Variants in C12orf75 observed in about 807,000 individuals in gnomAD.
The protein encoded by C12orf75 is chromosome 12 open reading frame 75, also known as overexpressed in colon carcinoma 1 protein.
C12orf75 carries 4 observed loss-of-function variants against 11.4 expected under a neutral mutation model. The ratio of observed to expected loss-of-function variants is 0.35; its 90% CI spans 0.17 to 0.80. The LOEUF (loss-of-function observed/expected upper bound fraction) is 0.80, where lower values mean the gene tolerates loss of function less well. Among genes scored for constraint, C12orf75 ranks in the 30% least tolerant of loss-of-function variants. The pLI is 0.52. For synonymous variants in C12orf75, 30 were observed against 30.0 expected (o/e 1.00, Z 0.00); for missense variants, 89 against 80.4 (o/e 1.11, Z -0.41).
Position 105,371,353 on chromosome 12 carries a change from A to G in C12orf75, c.*753A>G, listed in dbSNP as rs971973205. The G allele has an allele frequency of 1.3e-5, 2 of 152,234 alleles. No individual in the cohort carries two copies. Among genetic ancestry groups the G allele is most frequent in the South Asian group, 2.1e-4 (1 of 4,830 alleles). 9.4% of individuals were successfully genotyped at this position (152,234 alleles called of 1,614,324 possible). A position where few individuals can be genotyped will look rare whatever the true frequency, so the allele number is the denominator to read the frequency against. On this transcript the variant is annotated 3_prime_UTR_variant, in exon 6 of 6. Coordinates refer to ENST00000443585, the MANE Select transcript of C12orf75 (RefSeq NM_001145199.2). ...GGGTTGCTCATTCTACATCACGACAATCTCATCATATTATTTCTATAACTT... is the reference window on the plus strand; with the variant it reads ...GGGTTGCTCATTCTACATCACGACAGTCTCATCATATTATTTCTATAACTT...
chr12:105,331,588 T>C (rs1892424680), intron 1 of C12orf75, among the ~76,000 whole-genome samples: 1 of 83,022 alleles, frequency 1.2e-5, no homozygotes, highest in Non-Finnish European at 2.2e-5. Context: ...ATACTTTTCA[T>C]TAAACACACA....
intron 2 of C12orf75, among the ~76,000 whole-genome samples, chr12:105,359,160 G>A (rs892550768): frequency 3.9e-5 from 6 of 152,194 alleles, no homozygotes; most frequent in African/African-American, 1.4e-4. Flanking sequence ...TGAAGAAGTC[G>A]TGATAAGCTT....
chr12:105,341,816 G>A (rs1892577917), intron 1 of C12orf75, among the ~76,000 whole-genome samples: 1 of 152,222 alleles, frequency 6.6e-6, no homozygotes, highest in South Asian at 2.1e-4. Flanking sequence ...GTCAAGGGCT[G>A]GGCCAGATGG....
chr12:105,365,762 A>G, intron 2 of C12orf75, 45 bp from the exon 3 acceptor site: 2 of 1,407,922 alleles, frequency 1.4e-6, no homozygotes, highest in Non-Finnish European at 2.0e-6. Context: ...GAAGTCCCCG[A>G]CTATGTAACC....
At chr12:105,348,759 C>T (rs994548657) in intron 2 of C12orf75, 133 bp downstream of exon 2, 2 of 521,848 alleles carry the variant, frequency 3.8e-6, no homozygotes, top group Admixed American at 4.0e-5. Context: ...ATGCACATGT[C>T]AAGATGATCG....
intron 2 of C12orf75, among the ~76,000 whole-genome samples, chr12:105,364,340 C>T (rs911480812): frequency 3.9e-5 from 6 of 152,122 alleles, no homozygotes; most frequent in South Asian, 2.1e-4. Flanking sequence ...AACAATCCAG[C>T]GTTAAGAGGT....
At chr12:105,364,837 CTTTTTTT>C (rs71440583) in intron 2 of C12orf75, among the ~76,000 whole-genome samples, 6 of 125,690 alleles carry the variant, frequency 4.8e-5, no homozygotes, top group African/African-American at 1.2e-4. Flanking sequence ...ATATGGACTC[CTTTTTTT>C]TTTTTTTTTT....
intron 2 of C12orf75, among the ~76,000 whole-genome samples, chr12:105,355,047 A>G (rs763456219): frequency 6.6e-6 from 1 of 152,106 alleles, no homozygotes; most frequent in Non-Finnish European, 1.5e-5. Flanking sequence ...TCCAGGAACT[A>G]TACTCCATGG....
chr12:105,369,874 T>C (rs1871580847), intron 5 of C12orf75, among the ~76,000 whole-genome samples: 1 of 152,210 alleles, frequency 6.6e-6, no homozygotes, highest in African/African-American at 2.4e-5. Context: ...TTCTAGGCCT[T>C]AGTTGTTGGG....
intron 2 of C12orf75, among the ~76,000 whole-genome samples, chr12:105,360,449 G>A (rs1892845941): frequency 6.6e-6 from 1 of 152,228 alleles, no homozygotes. Flanking sequence ...CAGGGCTGAA[G>A]AAGGACCAGA....
intron 2 of C12orf75, among the ~76,000 whole-genome samples, chr12:105,358,516 G>C (rs1302597161): frequency 6.6e-6 from 1 of 152,132 alleles, no homozygotes; most frequent in Non-Finnish European, 1.5e-5. Context: ...GCAAGACCCT[G>C]TCTCAGAAAA....
At chr12:105,354,880 G>A (rs1286524862) in intron 2 of C12orf75, among the ~76,000 whole-genome samples, 2 of 152,170 alleles carry the variant, frequency 1.3e-5, no homozygotes, top group East Asian at 1.9e-4. Flanking sequence ...AAACACGAGG[G>A]GCTGATGGAT....
At chr12:105,333,248 C>G (rs946526441) in intron 1 of C12orf75, among the ~76,000 whole-genome samples, 10 of 152,100 alleles carry the variant, frequency 6.6e-5, no homozygotes, top group Admixed American at 3.9e-4. Flanking sequence ...AATGTTCTGT[C>G]AGTTGGTGTT....
intron 1 of C12orf75, among the ~76,000 whole-genome samples, chr12:105,344,041 G>C (rs1046014497): frequency 6.6e-6 from 1 of 152,118 alleles, no homozygotes; most frequent in African/African-American, 2.4e-5. Context: ...GGGCCTGCTG[G>C]GATGTTAAAT....
intron 2 of C12orf75, among the ~76,000 whole-genome samples, chr12:105,355,578 C>A (rs1410021805): frequency 6.6e-6 from 1 of 152,074 alleles, no homozygotes; most frequent in Non-Finnish European, 1.5e-5. Flanking sequence ...GGTTTAGACT[C>A]CAGAGAGGAG....
At chr12:105,363,372 A>G (rs1485386682) in intron 2 of C12orf75, among the ~76,000 whole-genome samples, 2 of 152,214 alleles carry the variant, frequency 1.3e-5, no homozygotes, top group African/African-American at 4.8e-5. Context: ...ATGAAGTGAC[A>G]GTCTTATACA....
intron 2 of C12orf75, among the ~76,000 whole-genome samples, chr12:105,356,336 A>G (rs767308899): frequency 1.3e-5 from 2 of 151,756 alleles, no homozygotes; most frequent in Admixed American, 6.6e-5. Flanking sequence ...CAGGAGAGCC[A>G]TGGTCTCCAG....
At chr12:105,357,447 C>G (rs1892797726) in intron 2 of C12orf75, among the ~76,000 whole-genome samples, 1 of 152,174 alleles carries the variant, frequency 6.6e-6, no homozygotes, top group Non-Finnish European at 1.5e-5. Flanking sequence ...GTATCTTACT[C>G]TACAAGAGTG....
At chr12:105,357,849 C>T (rs1364547010) in intron 2 of C12orf75, among the ~76,000 whole-genome samples, 1 of 143,116 alleles carries the variant, frequency 7.0e-6, no homozygotes, top group Non-Finnish European at 1.6e-5. Flanking sequence ...GAGAGACAGA[C>T]AGACAGACAG....
Sources: gnomAD v4.1 joint callset for allele counts (sites outside exome capture counted in the v4.1 genomes callset) on GRCh38, gnomAD v4.1.1 for gene constraint, MANE v1.5 for transcripts, NCBI Gene and HGNC (gene_info 2026-07-23, HGNC 2026-07-21) for gene names.